Variants in WBP1L observed in about 807,000 individuals in gnomAD.
WBP1L encodes WW domain binding protein 1 like.
WBP1L carries 17 observed loss-of-function variants against 33.7 expected under a neutral mutation model. The observed-to-expected ratio is 0.50, with a 90% CI of 0.34 to 0.76. WBP1L has a LOEUF of 0.76. Ranked by LOEUF, WBP1L falls within the 30% of genes least tolerant of loss-of-function variation. WBP1L has a pLI of 0.01. For missense variants in WBP1L, 389 were observed against 469.4 expected, an observed-to-expected ratio of 0.83 and a Z score of 1.58; for synonymous variants, 173 against 190.8, an observed-to-expected ratio of 0.91 and a Z score of 0.77.
intron 1 of WBP1L, among the ~76,000 whole-genome samples, chr10:102,756,197 G>C (rs1266475769): frequency 6.6e-6 from 1 of 152,208 alleles, no homozygotes; most frequent in African/African-American, 2.4e-5. Flanking sequence ...TGGATCACGA[G>C]GTCAGGAGTT....
At chr10:102,773,773 C>A (rs565211486) in intron 1 of WBP1L, among the ~76,000 whole-genome samples, 1 of 151,778 alleles carries the variant, frequency 6.6e-6, no homozygotes, top group East Asian at 1.9e-4. Context: ...GTGGCGTGTG[C>A]CTGTAGTGCC....
intron 1 of WBP1L, among the ~76,000 whole-genome samples, chr10:102,768,542 G>A (rs11817407): frequency 3.7e-5 from 2 of 54,600 alleles, no homozygotes; most frequent in Admixed American, 1.7e-4. Context: ...GCCCGCCACC[G>A]CGCCCGGCTA....
intron 2 of WBP1L, among the ~76,000 whole-genome samples, chr10:102,799,334 A>G (rs1042099265): frequency 6.6e-6 from 1 of 152,144 alleles, no homozygotes; most frequent in African/African-American, 2.4e-5. Flanking sequence ...TAAAAAAAAA[A>G]AAAGAAAAAT....
At position 102,744,530 on chromosome 10, in the gene WBP1L, G is replaced by C. The variant is rs574621349; in HGVS notation, c.90+387G>C. ...TGTGTGTAGGGGTACACAGGCTATT[G>C]AGTTGGCCTGTGAGGGAGGGGATCC... On this transcript the variant is annotated intron_variant, in intron 1 of 3. Transcript: ENST00000448841. The C allele has an allele frequency of 5.2e-6, 5 of 968,394 alleles. No homozygotes were observed. The East Asian group carries it at 4.6e-4, about 89-fold the overall frequency. 60.0% of individuals were successfully genotyped at this position (968,394 alleles called of 1,614,324 possible).
In WBP1L at chr10:102,783,456, G is replaced by A. The variant is rs1347556081; in HGVS notation, c.91-14537G>A. 5.9e-5 allele frequency among the ~76,000 whole-genome samples: 9 copies of A among 152,216 alleles called. 1 individual carries two copies. On this transcript the variant is annotated intron_variant, in intron 1 of 3. Coordinates refer to ENST00000448841, the MANE Select transcript of WBP1L (RefSeq NM_001083913.2). ...ACTTTGTGAAGGGTTTTTGGCCAGG[G>A]TAGGTATGCTTGTGAGACTGACATC...
intron 1 of WBP1L, among the ~76,000 whole-genome samples, chr10:102,770,540 G>T (rs1163166182): frequency 2.6e-5 from 4 of 152,222 alleles, no homozygotes; most frequent in African/African-American, 9.6e-5. Context: ...GATGGCAAAG[G>T]TGTGGGAACA....
chr10:102,747,683 C>T (rs957686259), intron 1 of WBP1L, among the ~76,000 whole-genome samples: 15 of 151,896 alleles, frequency 9.9e-5, no homozygotes, highest in East Asian at 3.9e-4. Flanking sequence ...CATGCCACCA[C>T]GCCCTGCTAA....
chr10:102,750,688 A>C (rs1037153700), intron 1 of WBP1L, among the ~76,000 whole-genome samples: 1 of 151,996 alleles, frequency 6.6e-6, no homozygotes, highest in Non-Finnish European at 1.5e-5. Flanking sequence ...TTTTTAGTAC[A>C]GATGGGGTTT....
intron 1 of WBP1L, among the ~76,000 whole-genome samples, chr10:102,772,183 C>A (rs1843195837): frequency 6.6e-6 from 1 of 151,104 alleles, no homozygotes. Context: ...TGGTCTTGAT[C>A]TCCCGACTTC....
chr10:102,752,981 A>G (rs1386303709), intron 1 of WBP1L, among the ~76,000 whole-genome samples: 2 of 152,140 alleles, frequency 1.3e-5, no homozygotes, highest in Non-Finnish European at 2.9e-5. Context: ...TGTCTTTTGA[A>G]TGCCTGTCCA....
At chr10:102,774,361 T>C (rs1003095098) in intron 1 of WBP1L, among the ~76,000 whole-genome samples, 5 of 152,196 alleles carry the variant, frequency 3.3e-5, no homozygotes, top group Non-Finnish European at 5.9e-5. Context: ...AAGAATGGCT[T>C]CCCAGTCCCC....
chr10:102,763,207 CAAAAAAAAA>C (rs36003893), intron 1 of WBP1L, among the ~76,000 whole-genome samples: 1 of 94,066 alleles, frequency 1.1e-5, no homozygotes, highest in African/African-American at 4.3e-5. Context: ...ACTTTTGTCT[CAAAAAAAAA>C]AAAAAAAAAA....
At chr10:102,776,133 C>T in intron 1 of WBP1L, 1 of 1,373,216 alleles carries the variant, frequency 7.3e-7, no homozygotes, top group Non-Finnish European at 9.4e-7. Flanking sequence ...TGGCAGACAG[C>T]TTCGGCTTTG....
At chr10:102,751,326 T>C (rs1293806374) in intron 1 of WBP1L, among the ~76,000 whole-genome samples, 1 of 150,642 alleles carries the variant, frequency 6.6e-6, no homozygotes, top group Non-Finnish European at 1.5e-5. Context: ...TCTTTCCTTT[T>C]TTTTTTTTTG....
At chr10:102,810,409 CT>C (rs2134068666) in intron 3 of WBP1L, among the ~76,000 whole-genome samples, 1 of 126,746 alleles carries the variant, frequency 7.9e-6, no homozygotes, top group African/African-American at 2.9e-5. Flanking sequence ...TTCTTTCTTT[CT>C]TTCTTTCCCT....
intron 1 of WBP1L, among the ~76,000 whole-genome samples, chr10:102,744,735 T>A (rs753306408): frequency 3.3e-5 from 5 of 152,160 alleles, no homozygotes; most frequent in Non-Finnish European, 5.9e-5. Context: ...GTGGAACCCC[T>A]CAGGAGGAGG....
chr10:102,806,613 T>A (rs1432265684), intron 2 of WBP1L, among the ~76,000 whole-genome samples: 1 of 152,158 alleles, frequency 6.6e-6, no homozygotes, highest in East Asian at 1.9e-4. Context: ...CACTTTATGG[T>A]CTCTGGTTAG....
intron 1 of WBP1L, among the ~76,000 whole-genome samples, chr10:102,778,305 C>T (rs1394547714): frequency 2.0e-5 from 3 of 152,186 alleles, no homozygotes; most frequent in Non-Finnish European, 4.4e-5. Context: ...TGAGCTCTTG[C>T]ATCTGTAGTC....
At chr10:102,747,095 G>C (rs10883770) in intron 1 of WBP1L, among the ~76,000 whole-genome samples, 1 of 152,034 alleles carries the variant, frequency 6.6e-6, no homozygotes, top group African/African-American at 2.4e-5. Flanking sequence ...TGGGCATGGT[G>C]GCTCACCCCT....
Sources: gnomAD v4.1 joint callset for allele counts (sites outside exome capture counted in the v4.1 genomes callset) on GRCh38, gnomAD v4.1.1 for gene constraint, MANE v1.5 for transcripts, NCBI Gene and HGNC (gene_info 2026-07-23, HGNC 2026-07-21) for gene names.